The following ALMS1 variants were observed in gnomAD, a reference collection of about 807,000 sequenced individuals.
The protein encoded by ALMS1 is centrosome-associated protein ALMS1.
ALMS1 carries 271 observed loss-of-function variants against 352.2 expected under a neutral mutation model. The observed-to-expected ratio is 0.77, with a 90% CI of 0.70 to 0.85. The LOEUF is 0.85. Among genes scored for constraint, ALMS1 ranks in the 40% least tolerant of loss-of-function variants. The pLI is 0.00. For missense variants in ALMS1, 5,445 were observed against 4,870.7 expected (o/e 1.12, Z -3.51); for synonymous variants, 1,865 against 1,761.2 (o/e 1.06, Z -1.48).
At chr2:73,566,041 G>A (rs1419904922) in intron 15 of ALMS1, among the ~76,000 whole-genome samples, 3 of 152,134 alleles carry the variant, frequency 2.0e-5, no homozygotes, top group African/African-American at 7.2e-5. Context: ...ATTGATTCAT[G>A]GTAATATATT....
intron 1 of ALMS1, among the ~76,000 whole-genome samples, chr2:73,401,726 A>T (rs189321308): frequency 1.1e-4 from 16 of 152,200 alleles, no homozygotes; most frequent in African/African-American, 3.9e-4. Flanking sequence ...TTTAGCAAGA[A>T]TCCTAAATAT....
intron 7 of ALMS1, among the ~76,000 whole-genome samples, chr2:73,440,534 G>T (rs972335298): frequency 6.6e-6 from 1 of 151,650 alleles, no homozygotes; most frequent in Admixed American, 6.6e-5. Context: ...GGCAATTCTC[G>T]TGTCTCAGCC....
intron 10 of ALMS1, among the ~76,000 whole-genome samples, chr2:73,509,362 A>T (rs993892817): frequency 6.7e-6 from 1 of 149,734 alleles, no homozygotes; most frequent in African/African-American, 2.4e-5. Context: ...TTTACATTTT[A>T]TTATTATTAT....
chr2:73,433,308 G>A (rs1022150975), intron 7 of ALMS1, among the ~76,000 whole-genome samples: 37 of 152,188 alleles, frequency 2.4e-4, no homozygotes, highest in African/African-American at 8.9e-4. Flanking sequence ...GAATGGGTAT[G>A]GTAGAAGGAT....
At position 73,557,366 on chromosome 2, in the gene ALMS1, G is replaced by A. The variant is rs527508238; in HGVS notation, c.10213+12G>A. On this transcript the variant is annotated intron_variant, in intron 14 of 22. Transcript: ENST00000613296. The stretch of plus-strand genomic sequence containing the variant: ...GAAAGATACTGCAGGTAGCTAAACT[G>A]GATTGTCTGCGTATTATTTTCTTCT... 525 of 1,613,896 alleles carry A rather than the reference G, an allele frequency of 3.3e-4. 6 individuals carry two copies. The South Asian group carries it at 5.5e-3, about 17-fold the overall frequency.
At position 73,434,992 on chromosome 2, in the gene ALMS1, A is replaced by G. The variant is rs541391382; in HGVS notation, c.1432+2701A>G. On this transcript the variant is annotated intron_variant, in intron 7 of 22. Coordinates refer to ENST00000613296, the MANE Select transcript of ALMS1 (RefSeq NM_001378454.1). ...AGAATTGACCTTTTAATTGTTATAAATTGTTCCTCCATATTTTGAGTAACT... is the reference window on the plus strand; with the variant it reads ...AGAATTGACCTTTTAATTGTTATAAGTTGTTCCTCCATATTTTGAGTAACT... 2.0e-4 allele frequency among the ~76,000 whole-genome samples: 30 copies of G among 152,238 alleles called. No homozygotes were observed. The South Asian group carries it at 4.6e-3, about 23-fold the overall frequency.
chr2:73,532,172 G>T (rs1391783477), intron 11 of ALMS1, among the ~76,000 whole-genome samples: 1 of 152,194 alleles, frequency 6.6e-6, no homozygotes, highest in Non-Finnish European at 1.5e-5. Context: ...ACCACCAGTG[G>T]GACTGTTCTA....
chr2:73,601,003 G>T, intron 18 of ALMS1, 122 bp downstream of exon 18: 1 of 1,406,270 alleles, frequency 7.1e-7, no homozygotes, highest in Non-Finnish European at 9.7e-7. Flanking sequence ...CCACAACCTT[G>T]TCAGGTTTTC....
Position 73,490,224 on chromosome 2 carries a change from T to C in ALMS1, c.8265T>C (p.Thr2755=). 1.2e-6 allele frequency: 2 copies of C among 1,614,166 alleles called. No homozygotes were observed. The highest frequency in any genetic ancestry group is 1.7e-6 in the Non-Finnish European group (2 of 1,180,008). ...ASVGVFNSHF[T]EEQNPPRDLK... Reference sequence around the variant, plus strand: ...TGGGGGTATTTAATTCTCATTTCACTGAAGAACAAAATCCTCCCAGAGATC... The same window carrying C: ...TGGGGGTATTTAATTCTCATTTCACCGAAGAACAAAATCCTCCCAGAGATC... The change falls in exon 10 of 23, where the codon ACT becomes ACC. Residue 2755 remains threonine, a synonymous_variant. Coordinates refer to ENST00000613296, the MANE Select transcript of ALMS1 (RefSeq NM_001378454.1).
At chr2:73,432,517 A>G (rs1671520707) in intron 7 of ALMS1, among the ~76,000 whole-genome samples, 1 of 147,536 alleles carries the variant, frequency 6.8e-6, no homozygotes, top group African/African-American at 2.7e-5. Flanking sequence ...TTGCAGTTCT[A>G]GAGGCTGGTT....
At chr2:73,485,403 G>A (rs1672812384) in intron 9 of ALMS1, among the ~76,000 whole-genome samples, 1 of 152,232 alleles carries the variant, frequency 6.6e-6, no homozygotes, top group Non-Finnish European at 1.5e-5. Context: ...CAGGGGTCAG[G>A]GACCCACTTG....
intron 11 of ALMS1, among the ~76,000 whole-genome samples, chr2:73,528,980 A>G (rs1673851803): frequency 7.0e-6 from 1 of 143,490 alleles, no homozygotes; most frequent in South Asian, 2.2e-4. Flanking sequence ...AATTTGTCTT[A>G]TAGGATTCTG....
intron 16 of ALMS1, among the ~76,000 whole-genome samples, chr2:73,596,671 C>T (rs1396515856): frequency 6.6e-6 from 1 of 151,836 alleles, no homozygotes; most frequent in Non-Finnish European, 1.5e-5. Flanking sequence ...CGGGTTTCAC[C>T]ATATTGGCCA....
intron 12 of ALMS1, among the ~76,000 whole-genome samples, chr2:73,549,402 G>A (rs1488554421): frequency 2.6e-5 from 4 of 151,912 alleles, no homozygotes; most frequent in Non-Finnish European, 5.9e-5. Flanking sequence ...CCGTTATGTT[G>A]CATTTTATAT....
intron 1 of ALMS1, among the ~76,000 whole-genome samples, chr2:73,391,532 A>T (rs886404095): frequency 6.6e-6 from 1 of 151,850 alleles, no homozygotes; most frequent in Admixed American, 6.6e-5. Context: ...TGACCTCGTG[A>T]TACACCCGCC....
intron 2 of ALMS1, among the ~76,000 whole-genome samples, chr2:73,418,291 T>G (rs1163978436): frequency 1.3e-5 from 2 of 152,178 alleles, no homozygotes; most frequent in Non-Finnish European, 2.9e-5. Context: ...AGGAGACAAG[T>G]GTATCACATT....
intron 2 of ALMS1, among the ~76,000 whole-genome samples, chr2:73,414,489 G>GTTTTGTTTTGT (rs1671145492): frequency 1.1e-3 from 100 of 94,244 alleles, no homozygotes; most frequent in African/African-American, 4.4e-3. Context: ...TTTTTTTTTT[G>GTTTTGTTTTGT]TTTTTTTTTT....
chr2:73,413,501 G>A (rs999367228), intron 2 of ALMS1, among the ~76,000 whole-genome samples: 1 of 152,012 alleles, frequency 6.6e-6, no homozygotes, highest in Admixed American at 6.5e-5. Context: ...TGTCCTGTGT[G>A]TCCTAAAATG....
At chr2:73,455,093 C>T in intron 8 of ALMS1, 69 bp from the exon 9 acceptor site, 1 of 1,529,072 alleles carries the variant, frequency 6.5e-7, no homozygotes, top group Non-Finnish European at 9.0e-7. Flanking sequence ...TGATGATCTT[C>T]TGTGTTGCAA....
Sources: allele counts gnomAD v4.1 joint callset (sites outside exome capture counted in the v4.1 genomes callset), GRCh38; gene constraint gnomAD v4.1.1; transcripts MANE v1.5; gene names NCBI Gene and HGNC (gene_info 2026-07-23, HGNC 2026-07-21).